The following PTER variants were observed in gnomAD, a reference collection of about 807,000 sequenced individuals.
PTER encodes phosphotriesterase related, also known as N-acetyltaurine hydrolase.
PTER carries 38 observed loss-of-function variants against 29.6 expected under a neutral mutation model. The observed-to-expected ratio is 1.28, with a 90% CI of 0.99 to 1.68. The LOEUF (loss-of-function observed/expected upper bound fraction) is 1.68, where lower values mean the gene tolerates loss of function less well. Among genes scored for constraint, PTER ranks in the 40% most tolerant of loss-of-function variants. The probability of loss-of-function intolerance (pLI) is 0.00; values close to 1 mark genes in which losing one functional copy is unlikely to be tolerated. For synonymous variants in PTER, 172 were observed against 154.5 expected (o/e 1.11, Z -0.84); for missense variants, 482 against 427.8 (o/e 1.13, Z -1.12).
At position 16,497,346 on chromosome 10, in the gene PTER, T is replaced by G. The variant is rs866357982; in HGVS notation, c.699-7674T>G. On this transcript the variant is annotated intron_variant, in intron 3 of 4. Coordinates refer to ENST00000535784, the MANE Select transcript of PTER (RefSeq NM_001261836.2). ...GTGAAAAAAATTAAGTGCTTCATTCTTCGTTCGCAATACTGTGTATTTATT... is the reference window on the plus strand; with the variant it reads ...GTGAAAAAAATTAAGTGCTTCATTCGTCGTTCGCAATACTGTGTATTTATT... Among the ~76,000 whole-genome samples the G allele has an allele frequency of 4.9e-4, 75 of 151,580 alleles. No homozygotes were observed. In the Middle Eastern group the frequency reaches 0.01, roughly 21 times the overall value.
chr10:16,517,818 G>C (rs145813448), downstream of PTER, among the ~76,000 whole-genome samples: 1 of 152,148 alleles, frequency 6.6e-6, no homozygotes, highest in Non-Finnish European at 1.5e-5. Flanking sequence ...TGATGTTCTC[G>C]TAATTTCATT....
intron 1 of PTER, among the ~76,000 whole-genome samples, chr10:16,477,269 T>TAGATAGAG (rs1365220927): frequency 7.2e-6 from 1 of 138,784 alleles, no homozygotes; most frequent in African/African-American, 3.1e-5. Flanking sequence ...GATAGATAGA[T>TAGATAGAG]AGATAGATAG....
At chr10:16,445,261 T>C (rs988811811) in intron 1 of PTER, among the ~76,000 whole-genome samples, 31 of 152,120 alleles carry the variant, frequency 2.0e-4, no homozygotes, top group African/African-American at 6.5e-4. Context: ...AAAAGTGTTG[T>C]TGAGGCTGAG....
intron 3 of PTER, among the ~76,000 whole-genome samples, chr10:16,494,809 A>G (rs1392101706): frequency 6.6e-6 from 1 of 152,212 alleles, no homozygotes; most frequent in Non-Finnish European, 1.5e-5. Context: ...AATTGAGATC[A>G]GTTAAATTTC....
At chr10:16,496,895 C>G (rs573959829) in intron 3 of PTER, among the ~76,000 whole-genome samples, 1 of 151,720 alleles carries the variant, frequency 6.6e-6, no homozygotes, top group Non-Finnish European at 1.5e-5. Context: ...TCAGGAACAG[C>G]AAGCTCCCTT....
At chr10:16,451,604 C>T (rs1834210720) in intron 1 of PTER, among the ~76,000 whole-genome samples, 1 of 152,086 alleles carries the variant, frequency 6.6e-6, no homozygotes, top group Admixed American at 6.6e-5. Flanking sequence ...CCCAGCTACT[C>T]AGGAGGCTGA....
chr10:16,473,030 A>G (rs1359577686), intron 1 of PTER, among the ~76,000 whole-genome samples: 1 of 152,070 alleles, frequency 6.6e-6, no homozygotes, highest in Non-Finnish European at 1.5e-5. Context: ...AAAAAAAAAA[A>G]AAGGAAAAAA....
chr10:16,456,929 A>T (rs1344417902), intron 1 of PTER, among the ~76,000 whole-genome samples: 11 of 151,162 alleles, frequency 7.3e-5, no homozygotes. Flanking sequence ...ATGATTTTAT[A>T]AGGGGTTTCC....
chr10:16,452,157 A>T (rs1834231924), intron 1 of PTER, among the ~76,000 whole-genome samples: 1 of 150,674 alleles, frequency 6.6e-6, no homozygotes, highest in African/African-American at 2.4e-5. Flanking sequence ...TTAAATGCCC[A>T]TATATCACCT....
At chr10:16,492,203 C>T (rs1835924095) in intron 3 of PTER, among the ~76,000 whole-genome samples, 1 of 152,162 alleles carries the variant, frequency 6.6e-6, no homozygotes, top group East Asian at 1.9e-4. Context: ...GAAACATGGG[C>T]CTGTTGGTTG....
At chr10:16,443,636 A>G (rs916896995) in intron 1 of PTER, among the ~76,000 whole-genome samples, 33 of 152,236 alleles carry the variant, frequency 2.2e-4, no homozygotes, top group African/African-American at 8.0e-4. Context: ...AAGGGAAGCA[A>G]CATTATTAAA....
Position 16,511,212 on chromosome 10 carries a change from A to G in PTER, c.1006A>G (p.Lys336Glu), listed in dbSNP as rs778786062. ...LRGITENVLD[K>E]ILIENPKQWL... ...AGGCATAACTGAGAATGTGCTTGAT[A>G]AGATTCTAATAGAGAACCCTAAGCA... Residue 336 changes from lysine (K) to glutamate (E), a missense_variant, in exon 5 of 5, where the codon AAG becomes GAG. By Grantham distance (56) the Lys-to-Glu change is moderately conservative. Transcript: ENST00000535784. The G allele has an allele frequency of 4.3e-6, 7 of 1,614,024 alleles. No homozygotes were observed. The African/African-American group carries it at 9.3e-5, about 22-fold the overall frequency.
At chr10:16,469,901 GT>G (rs60896166) in intron 1 of PTER, among the ~76,000 whole-genome samples, 18,317 of 147,738 alleles carry the variant, frequency 0.12, 1,338 homozygotes, top group South Asian at 0.23. Flanking sequence ...TTGTTTTTTT[GT>G]TTTTTTTTTT....
chr10:16,464,504 GT>G (rs1422789709), intron 1 of PTER, among the ~76,000 whole-genome samples: 1 of 152,108 alleles, frequency 6.6e-6, no homozygotes, highest in Admixed American at 6.5e-5. Flanking sequence ...CTGGTCTCTG[GT>G]TTCTCCAGCT....
At chr10:16,483,280 T>C (rs1348114599) in intron 1 of PTER, among the ~76,000 whole-genome samples, 1 of 152,188 alleles carries the variant, frequency 6.6e-6, no homozygotes, top group African/African-American at 2.4e-5. Context: ...TCACAATCGC[T>C]TTCATTATGG....
chr10:16,460,432 A>G (rs1005399718), intron 1 of PTER, among the ~76,000 whole-genome samples: 4 of 152,258 alleles, frequency 2.6e-5, no homozygotes, highest in African/African-American at 9.6e-5. Flanking sequence ...AAATGAAGTC[A>G]TCAAATTAAA....
intron 3 of PTER, among the ~76,000 whole-genome samples, chr10:16,502,308 G>T (rs1836381482): frequency 1.3e-5 from 2 of 152,164 alleles, no homozygotes; most frequent in South Asian, 4.2e-4. Flanking sequence ...CTTTAATTGT[G>T]TATATTTTGT....
chr10:16,480,715 A>G (rs1295496234), intron 1 of PTER, among the ~76,000 whole-genome samples: 1 of 152,202 alleles, frequency 6.6e-6, no homozygotes, highest in Admixed American at 6.5e-5. Context: ...TTCAATCTAC[A>G]TAGACGGAAT....
intron 1 of PTER, among the ~76,000 whole-genome samples, chr10:16,482,857 C>G (rs761889069): frequency 6.6e-6 from 1 of 152,162 alleles, no homozygotes; most frequent in Non-Finnish European, 1.5e-5. Flanking sequence ...TCTCGGCTCA[C>G]TGCAACCTCC....
Sources: gnomAD v4.1 joint callset for allele counts (sites outside exome capture counted in the v4.1 genomes callset) on GRCh38, gnomAD v4.1.1 for gene constraint, MANE v1.5 for transcripts, NCBI Gene and HGNC (gene_info 2026-07-23, HGNC 2026-07-21) for gene names.